MOXD1: variants seen among roughly 807,000 people sequenced by gnomAD.
MOXD1 encodes the protein monooxygenase DBH like 1, also known as DBH-like monooxygenase protein 1.
In MOXD1, 62 loss-of-function variants were observed where a neutral mutation model predicts 66.6. The observed-to-expected ratio is 0.93, with a 90% CI of 0.76 to 1.15. MOXD1 has a LOEUF of 1.15. Ranked by LOEUF, MOXD1 falls within the 50% of genes most tolerant of loss-of-function variation. The probability of loss-of-function intolerance (pLI) is 0.00; values close to 1 mark genes in which losing one functional copy is unlikely to be tolerated. For synonymous variants in MOXD1, 303 were observed against 281.9 expected (o/e 1.07, Z -0.75); for missense variants, 847 against 754.6 (o/e 1.12, Z -1.44).
Position 132,323,953 on chromosome 6 carries a change from C to T in MOXD1, c.1091G>A (p.Cys364Tyr). 1.2e-6 allele frequency: 2 copies of T among 1,612,084 alleles called. No individual in the cohort carries two copies. Among genetic ancestry groups the T allele is most frequent in the South Asian group, 2.2e-5 (2 of 90,600 alleles). ...TACCTCTTCCAGGCACTCCAAAGTGCAGTGACCCTCAGACTGGAACTCAGG... is the reference window on the plus strand; with the variant it reads ...TACCTCTTCCAGGCACTCCAAAGTGTAGTGACCCTCAGACTGGAACTCAGG... Reference protein sequence around the residue: ...GMPEFQSEGHCTLECLEEALE... With the variant: ...GMPEFQSEGHYTLECLEEALE... The change falls in exon 7 of 12, where the codon TGC becomes TAC. Residue 364 changes from cysteine (C) to tyrosine (Y), a missense_variant. Coordinates refer to ENST00000367963, the MANE Select transcript of MOXD1 (RefSeq NM_015529.4).
intron 6 of MOXD1, chr6:132,325,174 T>C (rs1775161961): frequency 1.3e-5 from 2 of 152,188 alleles, no homozygotes; most frequent in Admixed American, 6.5e-5. Flanking sequence ...TTGCTATGTG[T>C]TTGTTGACTC....
At chr6:132,349,410 T>TATATATAC (rs1562289902) in intron 4 of MOXD1, among the ~76,000 whole-genome samples, 5 of 82,662 alleles carry the variant, frequency 6.0e-5, no homozygotes, top group African/African-American at 3.0e-4. Context: ...TATATACATA[T>TATATATAC]ATATATATAT....
intron 4 of MOXD1, among the ~76,000 whole-genome samples, chr6:132,369,607 A>G (rs1776223943): frequency 1.3e-5 from 2 of 152,064 alleles, no homozygotes; most frequent in South Asian, 4.1e-4. Flanking sequence ...TAAAGAAAAT[A>G]AGGGTGACTT....
chr6:132,328,257 A>G (rs1362309831), intron 5 of MOXD1, 142 bp from the exon 6 acceptor site: 1 of 1,195,068 alleles, frequency 8.4e-7, no homozygotes, highest in African/African-American at 1.5e-5. Flanking sequence ...AATAAAAATG[A>G]CTTAAAGAAA....
intron 1 of MOXD1, among the ~76,000 whole-genome samples, chr6:132,397,688 A>AAGAAAG (rs1776925225): frequency 7.8e-6 from 1 of 127,666 alleles, no homozygotes; most frequent in Admixed American, 7.8e-5. Context: ...GAAAGAAAGA[A>AAGAAAG]AGAAAGAAAG....
In MOXD1 at chr6:132,320,674, AATTAGGTT is replaced by A; in HGVS notation, c.1312_1319del (p.Asn438TyrfsTer2). ...CTTTCGTGTTGTAGCGACACTCAGT[AATTAGGTT>A]ATCTCCCTGAAACATAAAAGCAAAA... On this transcript the variant is annotated frameshift_variant, in exon 9 of 12. Coordinates refer to ENST00000367963, the MANE Select transcript of MOXD1 (RefSeq NM_015529.4). LOFTEE classifies it high-confidence loss of function. 1 of 1,610,910 alleles carries A rather than the reference AATTAGGTT, an allele frequency of 6.2e-7. No individual in the cohort carries two copies. The highest frequency in any genetic ancestry group is 8.5e-7 in the Non-Finnish European group (1 of 1,178,470).
chr6:132,388,196 T>A (rs1306105190), intron 1 of MOXD1, among the ~76,000 whole-genome samples: 1 of 151,474 alleles, frequency 6.6e-6, no homozygotes, highest in Admixed American at 6.6e-5. Context: ...TTGTATTTAT[T>A]AAGTGTTTTC....
chr6:132,315,676 T>C lies in MOXD1; in HGVS notation c.1467A>G (p.Gln489=). 1.2e-6 allele frequency: 2 copies of C among 1,613,302 alleles called. No individual in the cohort carries two copies. Among genetic ancestry groups the C allele is most frequent in the Non-Finnish European group, 1.7e-6 (2 of 1,179,528 alleles). ...RCASIPDIME[Q]LQFIGVKEIY... ...TCTCCTTAACCCCAATGAACTGAAG[T>C]TGTTCCATAATGTCTGGAATACTTG... The change falls in exon 10 of 12, where the codon CAA becomes CAG. Residue 489 remains glutamine, a synonymous_variant. Coordinates refer to ENST00000367963, the MANE Select transcript of MOXD1 (RefSeq NM_015529.4).
rs1774426725 is a variant in MOXD1 at position 132,297,374 on chromosome 6, A to T, written c.1678-57T>A. ...ACATCTGATTTAAGGCAGCACAGTG[A>T]CCAGGCCGCTCAGCTGCCCACACTT... On this transcript the variant is annotated intron_variant, in intron 11 of 11. Transcript: ENST00000367963. 2.6e-6 allele frequency: 4 copies of T among 1,559,878 alleles called. No homozygotes were observed. In the East Asian group the frequency reaches 9.0e-5, roughly 35 times the overall value.
intron 1 of MOXD1, among the ~76,000 whole-genome samples, chr6:132,382,967 G>A (rs1437460064): frequency 1.3e-5 from 2 of 152,124 alleles, no homozygotes; most frequent in African/African-American, 4.8e-5. Flanking sequence ...TACACAGGAG[G>A]AAGTAAAAAC....
At chr6:132,381,745 A>G (rs1776517298) in intron 1 of MOXD1, among the ~76,000 whole-genome samples, 1 of 152,162 alleles carries the variant, frequency 6.6e-6, no homozygotes, top group African/African-American at 2.4e-5. Context: ...AATACTAGAG[A>G]ATGAAACAGA....
intron 1 of MOXD1, among the ~76,000 whole-genome samples, chr6:132,400,919 A>T (rs1244079760): frequency 6.6e-6 from 1 of 152,054 alleles, no homozygotes. Flanking sequence ...TGGGGACAGG[A>T]AAGTGTTCAA....
At chr6:132,323,018 A>G in intron 7 of MOXD1, 148 bp from the exon 8 acceptor site, 1 of 762,696 alleles carries the variant, frequency 1.3e-6, no homozygotes, top group South Asian at 2.4e-5. Context: ...TTGAATTCGG[A>G]TTGTTCAGTG....
intron 4 of MOXD1, among the ~76,000 whole-genome samples, chr6:132,360,389 T>C (rs1775992412): frequency 6.6e-6 from 1 of 152,200 alleles, no homozygotes; most frequent in Admixed American, 6.5e-5. Context: ...AATCCCCAAA[T>C]TGGACAGTTC....
intron 4 of MOXD1, among the ~76,000 whole-genome samples, chr6:132,351,316 T>G (rs1300451361): frequency 6.6e-6 from 1 of 152,128 alleles, no homozygotes; most frequent in Non-Finnish European, 1.5e-5. Flanking sequence ...GTATGTTCCT[T>G]GTATGCCGAC....
At position 132,297,380 on chromosome 6, in the gene MOXD1, C is replaced by A. The variant is rs1042637523; in HGVS notation, c.1678-63G>T. On this transcript the variant is annotated intron_variant, in intron 11 of 11. Transcript: ENST00000367963. ...GATTTAAGGCAGCACAGTGACCAGG[C>A]CGCTCAGCTGCCCACACTTCTGCAG... The A allele has an allele frequency of 3.3e-6, 5 of 1,531,052 alleles. No individual in the cohort carries two copies. In the East Asian group the frequency reaches 9.0e-5, roughly 28 times the overall value. The allele number at this position is 1,531,052 out of a possible 1,614,324, so 94.8% of individuals were successfully genotyped here. A position where few individuals can be genotyped will look rare whatever the true frequency, so the allele number is the denominator to read the frequency against.
chr6:132,382,065 G>T (rs534448240), intron 1 of MOXD1, among the ~76,000 whole-genome samples: 1 of 152,088 alleles, frequency 6.6e-6, no homozygotes, highest in East Asian at 1.9e-4. Flanking sequence ...ATTGATCACT[G>T]TGCACTCTCG....
At chr6:132,357,498 AT>A (rs1775931510) in intron 4 of MOXD1, among the ~76,000 whole-genome samples, 1 of 152,146 alleles carries the variant, frequency 6.6e-6, no homozygotes. Flanking sequence ...AAGTATAGAA[AT>A]AAAAAGGAAA....
chr6:132,358,689 C>G (rs1211358620), intron 4 of MOXD1, among the ~76,000 whole-genome samples: 1 of 151,972 alleles, frequency 6.6e-6, no homozygotes, highest in Non-Finnish European at 1.5e-5. Flanking sequence ...CCTAAAGGAC[C>G]AATTTTACAT....
Sources: allele counts gnomAD v4.1 joint callset (sites outside exome capture counted in the v4.1 genomes callset), GRCh38; gene constraint gnomAD v4.1.1; transcripts MANE v1.5; gene names NCBI Gene and HGNC (gene_info 2026-07-23, HGNC 2026-07-21).